The following FNIP1 variants were observed in gnomAD, a reference collection of about 807,000 sequenced individuals.
FNIP1 encodes folliculin interacting protein 1, also known as folliculin-interacting protein 1.
FNIP1 carries 40 observed loss-of-function variants against 124.5 expected under a neutral mutation model. The observed-to-expected ratio is 0.32, with a 90% CI of 0.25 to 0.42. The LOEUF (loss-of-function observed/expected upper bound fraction) is 0.42. FNIP1 is among the 10% of genes least tolerant of loss of function. The pLI is 1.00. For missense variants in FNIP1, 1,176 were observed against 1,403.7 expected (o/e 0.84, Z 2.59); for synonymous variants, 472 against 470.6 (o/e 1.00, Z -0.04).
chr5:131,734,755 C>A (rs1246443437), intron 2 of FNIP1, among the ~76,000 whole-genome samples: 5 of 152,174 alleles, frequency 3.3e-5, no homozygotes, highest in Non-Finnish European at 5.9e-5. Context: ...ATCAAAACCA[C>A]AATGAGATAT....
At chr5:131,705,252 C>G (rs1169745408) in intron 9 of FNIP1, among the ~76,000 whole-genome samples, 4 of 151,766 alleles carry the variant, frequency 2.6e-5, no homozygotes, top group Admixed American at 2.6e-4. Flanking sequence ...AAGTGGATCA[C>G]TCGAGCCCAG....
At chr5:131,750,026 C>G (rs533855765) in intron 1 of FNIP1, among the ~76,000 whole-genome samples, 1 of 152,152 alleles carries the variant, frequency 6.6e-6, no homozygotes, top group Non-Finnish European at 1.5e-5. Context: ...TGCTGTACAT[C>G]TACATAACGT....
intron 15 of FNIP1, among the ~76,000 whole-genome samples, chr5:131,664,875 T>C (rs917078874): frequency 2.0e-5 from 3 of 150,526 alleles, no homozygotes; most frequent in Admixed American, 6.6e-5. Context: ...ATTTTATATA[T>C]AAGGACTCAG....
chr5:131,694,916 C>T (rs1768637252), intron 11 of FNIP1, among the ~76,000 whole-genome samples: 1 of 151,896 alleles, frequency 6.6e-6, no homozygotes. Context: ...ACCAGTCTGG[C>T]CAACATAGTG....
chr5:131,747,068 T>C (rs999412515), intron 1 of FNIP1, among the ~76,000 whole-genome samples: 5 of 152,238 alleles, frequency 3.3e-5, no homozygotes, highest in African/African-American at 1.2e-4. Flanking sequence ...GCTGGTTGGA[T>C]GTCTTCTTTT....
chr5:131,793,895 T>G (rs1772489227), intron 1 of FNIP1, among the ~76,000 whole-genome samples: 1 of 152,076 alleles, frequency 6.6e-6, no homozygotes, highest in Non-Finnish European at 1.5e-5. Context: ...CATGGTATAC[T>G]AGAATGAAAA....
intron 3 of FNIP1, among the ~76,000 whole-genome samples, chr5:131,720,108 A>G (rs1769607993): frequency 6.6e-6 from 1 of 152,158 alleles, no homozygotes; most frequent in South Asian, 2.1e-4. Flanking sequence ...TATACTACAA[A>G]GCTACAGTAG....
At chr5:131,774,391 T>C (rs1580828154) in intron 1 of FNIP1, among the ~76,000 whole-genome samples, 1 of 152,328 alleles carries the variant, frequency 6.6e-6, no homozygotes, top group Non-Finnish European at 1.5e-5. Flanking sequence ...AAAGGCAGTA[T>C]ATCCGATATA....
At chr5:131,701,923 C>T (rs951831863) in intron 10 of FNIP1, among the ~76,000 whole-genome samples, 1 of 152,140 alleles carries the variant, frequency 6.6e-6, no homozygotes, top group African/African-American at 2.4e-5. Context: ...TCTCACTATT[C>T]CTCTTTGTAT....
intron 15 of FNIP1, among the ~76,000 whole-genome samples, chr5:131,657,736 CAAAAA>C (rs59097834): frequency 2.2e-3 from 143 of 65,044 alleles, no homozygotes; most frequent in African/African-American, 8.5e-3. Context: ...GAAAATAAGG[CAAAAA>C]AAAAAAAAAA....
At chr5:131,673,051 GTTT>G (rs368626411) in intron 13 of FNIP1, 127 bp from the exon 14 acceptor site, 123 of 481,636 alleles carry the variant, frequency 2.6e-4, no homozygotes, top group South Asian at 4.6e-4. Context: ...TCGTTTTTTT[GTTT>G]TTTTTTTTTT....
intron 1 of FNIP1, among the ~76,000 whole-genome samples, chr5:131,746,857 C>T (rs144337514): frequency 7.4e-4 from 113 of 152,332 alleles, no homozygotes; most frequent in South Asian, 6.2e-3. Context: ...CTTCAAACTG[C>T]TTTCCACAGT....
At chr5:131,758,524 G>T (rs1217582194) in intron 1 of FNIP1, among the ~76,000 whole-genome samples, 3 of 152,118 alleles carry the variant, frequency 2.0e-5, no homozygotes, top group Non-Finnish European at 2.9e-5. Flanking sequence ...AAATTTATAT[G>T]CTACAGAAAA....
At chr5:131,719,135 G>A in intron 4 of FNIP1, 75 bp from the exon 5 acceptor site, 1 of 1,419,350 alleles carries the variant, frequency 7.0e-7, no homozygotes, top group South Asian at 1.2e-5. Flanking sequence ...AAATAAAAAT[G>A]TGTAAGTCAC....
chr5:131,706,323 G>A, intron 9 of FNIP1, 88 bp downstream of exon 9: 1 of 1,345,206 alleles, frequency 7.4e-7, no homozygotes. Context: ...AAAATACACA[G>A]AATACAAGTC....
At chr5:131,771,851 A>T (rs1307861199) in intron 1 of FNIP1, among the ~76,000 whole-genome samples, 1 of 152,148 alleles carries the variant, frequency 6.6e-6, no homozygotes, top group East Asian at 1.9e-4. Flanking sequence ...AGTCCTAAGC[A>T]CAGCCTCTTA....
At chr5:131,661,352 G>A (rs891516810) in intron 15 of FNIP1, among the ~76,000 whole-genome samples, 3 of 151,990 alleles carry the variant, frequency 2.0e-5, no homozygotes, top group Non-Finnish European at 4.4e-5. Context: ...AGCAGTAAAG[G>A]AAGTTCAACA....
Position 131,661,500 on chromosome 5 carries a change from A to C in FNIP1, c.3108+8963T>G, listed in dbSNP as rs377583395. On this transcript the variant is annotated intron_variant, in intron 15 of 17. Transcript: ENST00000510461. ...CACTAGAAAAAGATTGAGCCTTGAT[A>C]AGTCAGTATTAGGTGCTGAGCAAAG... is the stretch of plus-strand genomic sequence containing the variant. 1.3e-4 allele frequency among the ~76,000 whole-genome samples: 20 copies of C among 152,152 alleles called. 1 individual carries two copies. Among genetic ancestry groups the C allele is most frequent in the East Asian group, 9.6e-4 (5 of 5,192 alleles).
intron 3 of FNIP1, among the ~76,000 whole-genome samples, chr5:131,720,299 G>A (rs1210682985): frequency 6.6e-6 from 1 of 152,164 alleles, no homozygotes; most frequent in African/African-American, 2.4e-5. Context: ...ATATCCACAT[G>A]CGAAAGAATA....
Sources: gnomAD v4.1 joint callset for allele counts (sites outside exome capture counted in the v4.1 genomes callset) on GRCh38, gnomAD v4.1.1 for gene constraint, MANE v1.5 for transcripts, NCBI Gene and HGNC (gene_info 2026-07-23, HGNC 2026-07-21) for gene names.